Variants in LANCL3 observed in about 807,000 individuals in gnomAD.
LANCL3 encodes the protein lanC-like protein 3.
In LANCL3, 19 loss-of-function variants were observed where a neutral mutation model predicts 26.5. The ratio of observed to expected loss-of-function variants is 0.72; its 90% CI spans 0.50 to 1.05. The LOEUF is 1.05. Among genes scored for constraint, LANCL3 ranks in the 50% least tolerant of loss-of-function variants. The pLI is 0.00. For missense variants in LANCL3, 318 were observed against 362.7 expected (o/e 0.88, Z 1.00); for synonymous variants, 160 against 166.6 (o/e 0.96, Z 0.30).
At chrX:37,631,300 C>T (rs1427647701) in intron 1 of LANCL3, among the ~76,000 whole-genome samples, 2 of 110,980 alleles carry the variant, frequency 1.8e-5, no homozygotes, top group Non-Finnish European at 3.8e-5. Context: ...TGGTGATATC[C>T]CCTATATCAT....
intron 1 of LANCL3, among the ~76,000 whole-genome samples, chrX:37,646,492 T>C (rs1229682329): frequency 6.2e-5 from 7 of 112,762 alleles, no homozygotes; most frequent in East Asian, 5.5e-4. Flanking sequence ...CAAAGAGATA[T>C]AGGAAGTAAA....
intron 4 of LANCL3, among the ~76,000 whole-genome samples, chrX:37,672,108 A>G (rs1457807707): frequency 8.9e-6 from 1 of 111,988 alleles, no homozygotes; most frequent in East Asian, 2.8e-4. Context: ...AATTTTTAAT[A>G]TTTTAATTTT....
intron 1 of LANCL3, among the ~76,000 whole-genome samples, chrX:37,641,951 T>C (rs782686232): frequency 8.9e-6 from 1 of 111,817 alleles, no homozygotes; most frequent in Non-Finnish European, 1.9e-5. Flanking sequence ...TTTTAAGGAT[T>C]TGAGGATCTA....
intron 1 of LANCL3, among the ~76,000 whole-genome samples, chrX:37,605,236 T>C (rs782797182): frequency 2.0e-4 from 22 of 112,121 alleles, no homozygotes; most frequent in African/African-American, 7.1e-4. Context: ...TATTCAGTTA[T>C]GTGCTTTTGC....
chrX:37,617,229 G>C (rs1248787387), intron 1 of LANCL3, among the ~76,000 whole-genome samples: 5 of 111,113 alleles, frequency 4.5e-5, no homozygotes, highest in Non-Finnish European at 9.4e-5. Flanking sequence ...AATGCTGTCA[G>C]TTTGAAGTGC....
At chrX:37,574,612 G>C (rs1420882523) in intron 1 of LANCL3, among the ~76,000 whole-genome samples, 1 of 111,741 alleles carries the variant, frequency 8.9e-6, no homozygotes, top group Non-Finnish European at 1.9e-5. Context: ...TTTTCATCAT[G>C]TTATTTCCCT....
rs1195361460 is a variant in LANCL3, at chrX:37,612,526, A to G, written c.573+40083A>G. ...AGATGGCTGAGACTGTTCTCTTTAA[A>G]CACTCAATCTCAAAAGTTAACACTT... is the stretch of plus-strand genomic sequence containing the variant. On this transcript the variant is annotated intron_variant, in intron 1 of 4. Coordinates refer to ENST00000378619, the MANE Select transcript of LANCL3 (RefSeq NM_001170331.2). Among the ~76,000 whole-genome samples, 26 of 112,324 alleles carry G rather than the reference A, an allele frequency of 2.3e-4. 1 individual carries two copies. In the Admixed American group the frequency reaches 2.4e-3, roughly 11 times the overall value.
Position 37,578,164 on chromosome X carries a change from T to G in LANCL3, c.573+5721T>G, listed in dbSNP as rs782331954. ...AAGTGGTGAGGGAAGGTCTGAGGCTTTTTTTCCCCCTGCATCTTTTTCTAA... is the reference window on the plus strand; with the variant it reads ...AAGTGGTGAGGGAAGGTCTGAGGCTGTTTTTCCCCCTGCATCTTTTTCTAA... On this transcript the variant is annotated intron_variant, in intron 1 of 4. Transcript: ENST00000378619. 1.3e-3 allele frequency among the ~76,000 whole-genome samples: 143 copies of G among 112,157 alleles called. 1 individual carries two copies. Among genetic ancestry groups the G allele is most frequent in the Non-Finnish European group, 2.4e-3 (130 of 53,224 alleles).
intron 1 of LANCL3, among the ~76,000 whole-genome samples, chrX:37,627,103 G>A (rs2146750037): frequency 8.9e-6 from 1 of 111,916 alleles, no homozygotes; most frequent in South Asian, 3.8e-4. Context: ...CTTTGCCAGG[G>A]AGAGCCATCC....
chrX:37,627,576 A>G (rs1046496632), intron 1 of LANCL3, among the ~76,000 whole-genome samples: 3 of 111,758 alleles, frequency 2.7e-5, no homozygotes, highest in African/African-American at 9.8e-5. Context: ...TACTTTAACA[A>G]GATTGCCAGG....
chrX:37,641,285 A>G (rs2146766660), intron 1 of LANCL3, among the ~76,000 whole-genome samples: 1 of 109,906 alleles, frequency 9.1e-6, no homozygotes, highest in South Asian at 3.9e-4. Flanking sequence ...ATATATATAT[A>G]TATAAAATAT....
chrX:37,584,705 A>G (rs781988207), intron 1 of LANCL3, among the ~76,000 whole-genome samples: 53 of 109,428 alleles, frequency 4.8e-4, no homozygotes, highest in African/African-American at 1.7e-3. Flanking sequence ...TGATTCTTCT[A>G]TTAGTCTTGC....
chrX:37,677,922 A>G lies in LANCL3; in HGVS notation c.*2109A>G, dbSNP rs1418554453. The G allele has an allele frequency of 1.8e-5, 2 of 111,834 alleles. No individual in the cohort carries two copies. The highest frequency in any genetic ancestry group is 3.8e-5 in the Non-Finnish European group (2 of 53,030). 9.2% of individuals were successfully genotyped at this position (111,834 alleles called of 1,213,427 possible). ...GTTTCCATTTGCTGTTCCTTTCACA[A>G]TTCATCCTTGAGACCTGAAACCTAA... On this transcript the variant is annotated 3_prime_UTR_variant, in exon 5 of 5. Transcript: ENST00000378619.
In LANCL3 at chrX:37,588,827, G is replaced by A. The variant is rs149060801; in HGVS notation, c.573+16384G>A. ...CATTGGTAAGAACATCTAAATGAGAGGTGGCAAAACAAATATTGGTTATGG... is the reference window on the plus strand; with the variant it reads ...CATTGGTAAGAACATCTAAATGAGAAGTGGCAAAACAAATATTGGTTATGG... On this transcript the variant is annotated intron_variant, in intron 1 of 4. Coordinates refer to ENST00000378619, the MANE Select transcript of LANCL3 (RefSeq NM_001170331.2). Among the ~76,000 whole-genome samples, 1,095 of 112,096 alleles carry A rather than the reference G, an allele frequency of 9.8e-3. 6 individuals carry two copies. Among genetic ancestry groups the A allele is most frequent in the African/African-American group, 0.034 (1,040 of 30,842 alleles).
At chrX:37,575,508 G>A (rs1364166616) in intron 1 of LANCL3, among the ~76,000 whole-genome samples, 2 of 111,061 alleles carry the variant, frequency 1.8e-5, no homozygotes, top group African/African-American at 3.3e-5. Context: ...TTTCCTTTAC[G>A]GTGGTAGTTT....
intron 1 of LANCL3, among the ~76,000 whole-genome samples, chrX:37,647,422 T>C (rs782037993): frequency 3.7e-4 from 42 of 112,288 alleles, no homozygotes; most frequent in Non-Finnish European, 6.2e-4. Context: ...TTCCAGTAGC[T>C]CTAACTTTAA....
intron 1 of LANCL3, among the ~76,000 whole-genome samples, chrX:37,650,724 C>T (rs1556428559): frequency 9.3e-6 from 1 of 107,653 alleles, no homozygotes; most frequent in Non-Finnish European, 1.9e-5. Context: ...TCCTTTCACT[C>T]TCTTTTTTTT....
intron 1 of LANCL3, among the ~76,000 whole-genome samples, chrX:37,590,747 G>A (rs1294574322): frequency 1.8e-5 from 2 of 111,488 alleles, no homozygotes; most frequent in Non-Finnish European, 3.8e-5. Context: ...TCTCCATGTG[G>A]GTCTGTTATT....
intron 1 of LANCL3, among the ~76,000 whole-genome samples, chrX:37,646,493 A>G (rs1556426965): frequency 8.9e-6 from 1 of 112,916 alleles, no homozygotes; most frequent in Non-Finnish European, 1.9e-5. Context: ...AAAGAGATAT[A>G]GGAAGTAAAA....
Sources: gnomAD v4.1 joint callset for allele counts (sites outside exome capture counted in the v4.1 genomes callset) on GRCh38, gnomAD v4.1.1 for gene constraint, MANE v1.5 for transcripts, NCBI Gene and HGNC (gene_info 2026-07-23, HGNC 2026-07-21) for gene names.